The following SLC39A13 variants were observed in gnomAD, a reference collection of about 807,000 sequenced individuals.
SLC39A13 encodes the protein solute carrier family 39 member 13, also known as zinc transporter ZIP13.
Under a neutral mutation model 38.7 loss-of-function variants are expected in SLC39A13, and 18 were observed. That is an observed-to-expected ratio of 0.47 (90% confidence interval 0.32 to 0.69). The LOEUF (loss-of-function observed/expected upper bound fraction) is 0.69, where lower values mean the gene tolerates loss of function less well. Among genes scored for constraint, SLC39A13 ranks in the 30% least tolerant of loss-of-function variants. The pLI, the probability that SLC39A13 is intolerant of heterozygous loss-of-function variation, is 0.03. For synonymous variants in SLC39A13, 212 were observed against 219.1 expected (o/e 0.97, Z 0.29); for missense variants, 395 against 490.7 (o/e 0.80, Z 1.84).
At chr11:47,409,763 G>C in intron 1 of SLC39A13, 2 of 322,586 alleles carry the variant, frequency 6.2e-6, no homozygotes, top group South Asian at 6.5e-5. Context: ...GAGACACCCA[G>C]CTGGGCCGGG....
intron 3 of SLC39A13, 134 bp downstream of exon 3, chr11:47,412,173 G>T: frequency 2.4e-6 from 3 of 1,262,618 alleles, no homozygotes; most frequent in Non-Finnish European, 3.3e-6. Flanking sequence ...GGGAGGGAGG[G>T]TCATTGTCCT....
intron 6 of SLC39A13, chr11:47,413,955 A>G (rs1595884820): frequency 1.4e-6 from 1 of 698,688 alleles, no homozygotes; most frequent in African/African-American, 1.8e-5. Flanking sequence ...TTCTTCCTCT[A>G]CCTCCTCCCT....
At chr11:47,414,205 G>T in intron 6 of SLC39A13, 1 of 624,674 alleles carries the variant, frequency 1.6e-6, no homozygotes, top group East Asian at 2.7e-5. Context: ...CCTTCCCAGC[G>T]CCTGTGAGTG....
rs2153302063 is a variant in SLC39A13 at position 47,415,340 on chromosome 11, C to T, written c.1093C>T (p.Leu365=). The T allele has an allele frequency of 2.5e-6, 4 of 1,614,120 alleles. No individual in the cohort carries two copies. The highest frequency in any genetic ancestry group is 3.4e-6 in the Non-Finnish European group (4 of 1,180,026). Reference sequence around the variant, plus strand: ...CTGTGCGGGCATCGTGGTAATGGTGCTGTTCTCGCTCTTCGTGGATTAACT... The same window carrying T: ...CTGTGCGGGCATCGTGGTAATGGTGTTGTTCTCGCTCTTCGTGGATTAACT... ...LLCAGIVVMV[L]FSLFVD Residue 365 remains leucine, a synonymous_variant, in exon 10 of 10, where the codon CTG becomes TTG. Transcript: ENST00000362021.
rs573934836 is a variant in SLC39A13 at position 47,412,182 on chromosome 11, C to T, written c.415+143C>T. On this transcript the variant is annotated intron_variant, in intron 3 of 9. Transcript: ENST00000362021. The stretch of plus-strand genomic sequence containing the variant: ...CTGGGAGGGAGGGAGGGTCATTGTC[C>T]TGGTCTCTGGGCCCTGGTCCCAGTG... 24 of 1,283,350 alleles carry T rather than the reference C, an allele frequency of 1.9e-5. No individual in the cohort carries two copies. In the East Asian group the frequency reaches 5.8e-4, roughly 31 times the overall value. The allele number at this position is 1,283,350 out of a possible 1,614,324, so 79.5% of individuals were successfully genotyped here. A position where few individuals can be genotyped will look rare whatever the true frequency, so the allele number is the denominator to read the frequency against.
intron 1 of SLC39A13, chr11:47,409,079 C>T (rs1315288811): frequency 6.6e-6 from 1 of 152,604 alleles, no homozygotes; most frequent in Non-Finnish European, 1.5e-5. Flanking sequence ...TGCCACCACC[C>T]AGAGGCAGCT....
rs966761448 is a variant in SLC39A13, at chr11:47,413,479, G to C, written c.617G>C (p.Gly206Ala). The C allele has an allele frequency of 6.2e-7, 1 of 1,613,914 alleles. No individual in the cohort carries two copies. The highest frequency in any genetic ancestry group is 1.7e-5 in the Admixed American group (1 of 59,994). ...CTGGCCCAGCCGGCTGCAGAGCCCGGCCTCGGTGCCGTGGTCCGGAGCATC... is the reference window on the plus strand; with the variant it reads ...CTGGCCCAGCCGGCTGCAGAGCCCGCCCTCGGTGCCGTGGTCCGGAGCATC... ...HCLAQPAAEP[G>A]LGAVVRSIKV... Residue 206 changes from glycine to alanine, a missense_variant, in exon 5 of 10, where the codon GGC becomes GCC. Coordinates refer to ENST00000362021, the MANE Select transcript of SLC39A13 (RefSeq NM_001128225.3).
At position 47,414,654 on chromosome 11, in the gene SLC39A13, C is replaced by G. The variant is rs2096016666; in HGVS notation, c.787-123C>G. On this transcript the variant is annotated intron_variant, in intron 7 of 9. Coordinates refer to ENST00000362021, the MANE Select transcript of SLC39A13 (RefSeq NM_001128225.3). ...CTGCAGCTGCCATCTCTGCCATACT[C>G]AGGATGGGGGTCCCAGGGGAAGGGT... 3 of 1,542,064 alleles carry G rather than the reference C, an allele frequency of 1.9e-6. No homozygotes were observed. The African/African-American group carries it at 4.1e-5, about 21-fold the overall frequency.
At chr11:47,408,578 G>GCCGGGCGT (rs2095981373), upstream of SLC39A13, 1 of 146,764 alleles carries the variant, frequency 6.8e-6, no homozygotes, top group Non-Finnish European at 1.5e-5. Flanking sequence ...CGGCCGGGCG[G>GCCGGGCGT]CCGGGCGGGG....
At position 47,415,024 on chromosome 11, in the gene SLC39A13, G is replaced by A. The variant is rs2096019579; in HGVS notation, c.920-15G>A. ...CCGGGAGGTGGGGAGCACACACAGT[G>A]CCTTGGGTACCCAGTTGGGTGTTCT... On this transcript the variant is annotated splice_polypyrimidine_tract_variant and intron_variant, in intron 8 of 9. Coordinates refer to ENST00000362021, the MANE Select transcript of SLC39A13 (RefSeq NM_001128225.3). 1.2e-6 allele frequency: 2 copies of A among 1,613,152 alleles called. No homozygotes were observed. The highest frequency in any genetic ancestry group is 2.2e-5 in the South Asian group (2 of 91,052).
intron 4 of SLC39A13, 116 bp from the exon 5 acceptor site, chr11:47,413,284 G>A: frequency 9.4e-7 from 1 of 1,064,732 alleles, no homozygotes; most frequent in Non-Finnish European, 1.4e-6. Context: ...GGGATTACAG[G>A]CATGAGCCAC....
intron 2 of SLC39A13, among the ~76,000 whole-genome samples, chr11:47,411,163 A>G (rs1386788418): frequency 6.6e-6 from 1 of 152,188 alleles, no homozygotes; most frequent in Non-Finnish European, 1.5e-5. Flanking sequence ...TTCTCTATCA[A>G]GCCAAAGGGT....
At chr11:47,407,422 C>T (rs2153284191), upstream of SLC39A13, 1 of 152,390 alleles carries the variant, frequency 6.6e-6, no homozygotes, top group South Asian at 2.1e-4. Context: ...AGTGTGCTCT[C>T]AAGAGCCCCA....
intron 1 of SLC39A13, 115 bp from the exon 2 acceptor site, chr11:47,409,972 A>G: frequency 4.0e-6 from 5 of 1,256,322 alleles, no homozygotes; most frequent in South Asian, 2.6e-5. Flanking sequence ...TCTGGCAAGG[A>G]CAGCAGGAGG....
At chr11:47,413,760 C>G in intron 6 of SLC39A13, 74 bp downstream of exon 6, 1 of 1,513,534 alleles carries the variant, frequency 6.6e-7, no homozygotes. Context: ...TGTCTGGAGT[C>G]TCTGCTTCTT....
intron 7 of SLC39A13, 90 bp from the exon 8 acceptor site, chr11:47,414,687 G>T: frequency 1.3e-6 from 2 of 1,586,642 alleles, no homozygotes; most frequent in Non-Finnish European, 1.7e-6. Flanking sequence ...GGTGGGGAAG[G>T]GCAGGGGGCT....
upstream of SLC39A13, among the ~76,000 whole-genome samples, chr11:47,408,405 C>G (rs1007661881): frequency 1.3e-5 from 2 of 152,034 alleles, no homozygotes; most frequent in African/African-American, 4.8e-5. Flanking sequence ...CAGCCCTGCC[C>G]AAACGGAAGT....
rs754970752 is a variant in SLC39A13, at chr11:47,412,670, C to CTACCAGGT, written c.537+203_537+204insTACCAGGT. ...GCTTGTTCTGGTAGCCTGATGGTGACAGCAGTTGGGGAGGGTTTGTTGAGT... is the reference window on the plus strand; with the variant it reads ...GCTTGTTCTGGTAGCCTGATGGTGACTACCAGGTAGCAGTTGGGGAGGGTTTGTTGAGT... On this transcript the variant is annotated intron_variant, in intron 4 of 9. Transcript: ENST00000362021. Among the ~76,000 whole-genome samples, 48,118 of 151,640 alleles carry CTACCAGGT rather than the reference C, an allele frequency of 0.32. 8,344 individuals carry two copies. Among genetic ancestry groups the CTACCAGGT allele is most frequent in the South Asian group, 0.48 (2,295 of 4,816 alleles).
At chr11:47,410,041 G>A in intron 1 of SLC39A13, 46 bp from the exon 2 acceptor site, 2 of 1,608,480 alleles carry the variant, frequency 1.2e-6, no homozygotes, top group Non-Finnish European at 1.7e-6. Flanking sequence ...AAGCAGGTGT[G>A]CGGCCAAGGC....
Sources: gnomAD v4.1 joint callset for allele counts (sites outside exome capture counted in the v4.1 genomes callset) on GRCh38, gnomAD v4.1.1 for gene constraint, MANE v1.5 for transcripts, NCBI Gene and HGNC (gene_info 2026-07-23, HGNC 2026-07-21) for gene names.